The following ZNF577 variants were observed in gnomAD, a reference collection of about 807,000 sequenced individuals.
The protein encoded by ZNF577 is zinc finger protein 577.
Under a neutral mutation model 13.9 loss-of-function variants are expected in ZNF577, and 14 were observed. That is an observed-to-expected ratio of 1.00 (90% CI 0.66 to 1.57). The LOEUF (loss-of-function observed/expected upper bound fraction) is 1.57. Among genes scored for constraint, ZNF577 ranks in the 40% most tolerant of loss-of-function variants. The pLI is 0.00. For missense variants in ZNF577, 555 were observed against 579.2 expected, an observed-to-expected ratio of 0.96 and a Z score of 0.43; for synonymous variants, 203 against 202.9, an observed-to-expected ratio of 1.00 and a Z score of 0.00.
rs149600890 is a variant in ZNF577 at position 51,882,757 on chromosome 19, C to A, written c.-218-1880G>T. Among the ~76,000 whole-genome samples the A allele has an allele frequency of 9.9e-3, 1,506 of 152,136 alleles. 15 individuals are homozygous for A. Among genetic ancestry groups the A allele is most frequent in the South Asian group, 0.019 (93 of 4,830 alleles). Reference sequence around the variant, plus strand: ...TTATGACCGCATCACTGCACCCCAACCTGGGCAACACAGCAAGATCCTGTC... The same window carrying A: ...TTATGACCGCATCACTGCACCCCAAACTGGGCAACACAGCAAGATCCTGTC... On this transcript the variant is annotated intron_variant, in intron 1 of 5. Transcript: ENST00000638348.
intron 5 of ZNF577, among the ~76,000 whole-genome samples, chr19:51,853,562 A>T (rs2084390331): frequency 1.3e-5 from 2 of 152,222 alleles, no homozygotes; most frequent in Admixed American, 6.5e-5. Flanking sequence ...AATCTAGAGG[A>T]TAACGGCTGT....
At chr19:51,813,156 ACACACC>A (rs1255705708) in intron 9 of ZNF577, among the ~76,000 whole-genome samples, 4 of 148,384 alleles carry the variant, frequency 2.7e-5, no homozygotes, top group South Asian at 2.1e-4. Flanking sequence ...ACACACACAC[ACACACC>A]CCATAAATTT....
rs551216157 is a variant in ZNF577 at position 51,835,854 on chromosome 19, A to C, written c.*599+4039T>G. On this transcript the variant is annotated intron_variant and NMD_transcript_variant, in intron 9 of 10. Coordinates refer to the ZNF577 transcript ENST00000638827. ...ATCACAGATGCCTGCCACCACGCCC[A>C]GCTAATTTTTGTATTTTTAGTAGAG... Among the ~76,000 whole-genome samples, 24 of 152,178 alleles carry C rather than the reference A, an allele frequency of 1.6e-4. 1 individual carries two copies. The South Asian group carries it at 2.9e-3, about 18-fold the overall frequency.
chr19:51,825,274 A>G (rs999467709), intron 9 of ZNF577: 2 of 172,152 alleles, frequency 1.2e-5, no homozygotes, highest in African/African-American at 4.8e-5. Flanking sequence ...GAAGAGGCAC[A>G]TAGGGCAAGG....
intron 10 of ZNF577, among the ~76,000 whole-genome samples, chr19:51,808,140 A>G (rs905956341): frequency 2.0e-5 from 3 of 152,220 alleles, no homozygotes; most frequent in Non-Finnish European, 4.4e-5. Context: ...CAGGGAATTT[A>G]AAGAATCTCC....
chr19:51,883,935 G>T (rs2084903092), intron 1 of ZNF577, among the ~76,000 whole-genome samples: 1 of 151,986 alleles, frequency 6.6e-6, no homozygotes, highest in African/African-American at 2.4e-5. Flanking sequence ...TTAGCCTGGT[G>T]TGGTGGCAGA....
At chr19:51,842,009 C>T (rs914086157) in intron 8 of ZNF577, among the ~76,000 whole-genome samples, 20 of 152,040 alleles carry the variant, frequency 1.3e-4, no homozygotes, top group Admixed American at 5.9e-4. Context: ...CTGAGACATT[C>T]AATAAAAGAA....
chr19:51,851,348 A>G (rs1403232746), intron 5 of ZNF577, among the ~76,000 whole-genome samples: 2 of 152,222 alleles, frequency 1.3e-5, no homozygotes, highest in Non-Finnish European at 2.9e-5. Flanking sequence ...AGTAGCAGAA[A>G]TAGATTAAAA....
At chr19:51,819,497 GA>G (rs75444884) in intron 9 of ZNF577, among the ~76,000 whole-genome samples, 56,056 of 151,818 alleles carry the variant, frequency 0.37, 10,857 homozygotes, top group South Asian at 0.52. Context: ...TTATGATATG[GA>G]AAAAAAATGT....
chr19:51,844,471 T>C (rs998785188), intron 6 of ZNF577, among the ~76,000 whole-genome samples: 4 of 152,212 alleles, frequency 2.6e-5, no homozygotes, highest in Non-Finnish European at 5.9e-5. Context: ...CTTGTAACTT[T>C]TAAAAATTCT....
At position 51,871,667 on chromosome 19, in the gene ZNF577, T is replaced by G. The variant is rs2122652262; in HGVS notation, c.*865A>C. The G allele has an allele frequency of 6.6e-6, 1 of 152,218 alleles. No individual in the cohort carries two copies. Among genetic ancestry groups the G allele is most frequent in the East Asian group, 1.9e-4 (1 of 5,168 alleles). The allele number at this position is 152,218 out of a possible 1,614,324, so 9.4% of individuals were successfully genotyped here. ...GGGAGATTATCCTGGCTTATCTGGG[T>G]TTTCACAGTGTAATCACAAGGGTCC... On this transcript the variant is annotated 3_prime_UTR_variant, in exon 6 of 6. Coordinates refer to ENST00000638348, the MANE Select transcript of ZNF577 (RefSeq NM_001370449.1).
intron 9 of ZNF577, among the ~76,000 whole-genome samples, chr19:51,827,348 G>C (rs1393265024): frequency 6.6e-6 from 1 of 152,130 alleles, no homozygotes; most frequent in Non-Finnish European, 1.5e-5. Flanking sequence ...TGCAAATGTG[G>C]TTTCACTTAT....
At position 51,868,832 on chromosome 19, in the gene ZNF577, A is replaced by AC. The variant is rs2084607821; in HGVS notation, c.*3699dup. Among the ~76,000 whole-genome samples the AC allele has an allele frequency of 6.6e-6, 1 of 152,178 alleles. No homozygotes were observed. The highest frequency in any genetic ancestry group is 6.5e-5 in the Admixed American group (1 of 15,272). On this transcript the variant is annotated 3_prime_UTR_variant, in exon 6 of 6. Coordinates refer to ENST00000638348, the MANE Select transcript of ZNF577 (RefSeq NM_001370449.1). ...TGCCTTGAGATGCTGTTAATCTGTA[A>AC]CCCTAGCCTCAACCCTGTGCTCGCA...
chr19:51,823,657 G>C, intron 9 of ZNF577: 1 of 1,066,556 alleles, frequency 9.4e-7, no homozygotes, highest in East Asian at 2.5e-5. Flanking sequence ...GGTAGGAGGA[G>C]GAGCTACAGT....
Position 51,872,378 on chromosome 19 carries a change from T to C in ZNF577, c.*154A>G, listed in dbSNP as rs1313735790. On this transcript the variant is annotated 3_prime_UTR_variant, in exon 6 of 6. Coordinates refer to ENST00000638348, the MANE Select transcript of ZNF577 (RefSeq NM_001370449.1). ...ATAACAGCTGCATTTCTACCCAACA[T>C]GATTTCAATGGTGTTTAACAGGTTT... 7.6e-5 allele frequency: 46 copies of C among 603,498 alleles called. 1 individual carries two copies. In the South Asian group the frequency reaches 1.1e-3, roughly 14 times the overall value. The allele number at this position is 603,498 out of a possible 1,614,324, so 37.4% of individuals were successfully genotyped here. A position where few individuals can be genotyped will look rare whatever the true frequency, so the allele number is the denominator to read the frequency against.
intron 9 of ZNF577, among the ~76,000 whole-genome samples, chr19:51,839,416 T>G (rs10407041): frequency 0.26 from 39,028 of 151,902 alleles, 5,534 homozygotes; most frequent in Middle Eastern, 0.37. Context: ...ATAATAATAA[T>G]AAGAAGAAAT....
chr19:51,858,002 A>T (rs2122590536), intron 5 of ZNF577, among the ~76,000 whole-genome samples: 1 of 152,172 alleles, frequency 6.6e-6, no homozygotes, highest in African/African-American at 2.4e-5. Flanking sequence ...TTTGAGCTTT[A>T]CAGGGCCCTG....
chr19:51,838,111 G>A (rs1391603147), intron 9 of ZNF577, among the ~76,000 whole-genome samples: 1 of 152,176 alleles, frequency 6.6e-6, no homozygotes, highest in Non-Finnish European at 1.5e-5. Context: ...CATGAGTGTT[G>A]TTTCACACTG....
intron 9 of ZNF577, chr19:51,823,866 G>T (rs758185337): frequency 1.2e-6 from 2 of 1,613,996 alleles, no homozygotes; most frequent in South Asian, 1.1e-5. Context: ...CTTTGTCTTC[G>T]GGGTCCTGGG....
Sources: gnomAD v4.1 joint callset for allele counts (sites outside exome capture counted in the v4.1 genomes callset) on GRCh38, gnomAD v4.1.1 for gene constraint, MANE v1.5 for transcripts, NCBI Gene and HGNC (gene_info 2026-07-23, HGNC 2026-07-21) for gene names.